The following TMCC1 variants were observed in gnomAD, a reference collection of about 807,000 sequenced individuals.
The protein encoded by TMCC1 is transmembrane and coiled-coil domains protein 1.
TMCC1 carries 15 observed loss-of-function variants against 52.4 expected under a neutral mutation model. The ratio of observed to expected loss-of-function variants is 0.29; its 90% CI spans 0.19 to 0.44. The LOEUF is 0.44. Among genes scored for constraint, TMCC1 ranks in the 20% least tolerant of loss-of-function variants. TMCC1 has a pLI of 1.00. For synonymous variants in TMCC1, 279 were observed against 301.9 expected (o/e 0.92, Z 0.79); for missense variants, 503 against 806.0 (o/e 0.62, Z 4.55).
intron 4 of TMCC1, among the ~76,000 whole-genome samples, chr3:129,793,761 C>A (rs1487768019): frequency 2.0e-5 from 3 of 152,184 alleles, no homozygotes; most frequent in African/African-American, 4.8e-5. Flanking sequence ...ATGGAACCTG[C>A]TTTTCATCAG....
intron 4 of TMCC1, among the ~76,000 whole-genome samples, chr3:129,821,665 GGTTA>G (rs2058430459): frequency 6.6e-6 from 1 of 152,052 alleles, no homozygotes; most frequent in African/African-American, 2.4e-5. Flanking sequence ...CATTTTATGT[GGTTA>G]GTAAGAAACT....
At chr3:129,846,791 T>A (rs1577070440) in intron 2 of TMCC1, among the ~76,000 whole-genome samples, 1 of 143,544 alleles carries the variant, frequency 7.0e-6, no homozygotes, top group African/African-American at 2.6e-5. Flanking sequence ...CACTTTGGGA[T>A]GCTGAGGCAG....
chr3:129,800,829 C>T (rs2057140841), intron 4 of TMCC1, among the ~76,000 whole-genome samples: 1 of 151,860 alleles, frequency 6.6e-6, no homozygotes, highest in Non-Finnish European at 1.5e-5. Flanking sequence ...TTATTTTTCA[C>T]TATGTTGCAA....
intron 4 of TMCC1, among the ~76,000 whole-genome samples, chr3:129,799,544 C>G (rs535755555): frequency 1.3e-5 from 2 of 152,286 alleles, no homozygotes; most frequent in East Asian, 3.9e-4. Flanking sequence ...GGCACGGTGG[C>G]TCACGCTTGT....
intron 2 of TMCC1, chr3:129,847,780 C>T (rs1437446437): frequency 6.6e-6 from 1 of 152,222 alleles, no homozygotes; most frequent in African/African-American, 2.4e-5. Flanking sequence ...ATCCATTTCA[C>T]ATTCCTATCG....
chr3:129,734,905 T>A (rs995996361), intron 4 of TMCC1, among the ~76,000 whole-genome samples: 87 of 127,236 alleles, frequency 6.8e-4, no homozygotes, highest in African/African-American at 1.7e-3. Flanking sequence ...CTGTTCGAAA[T>A]TTTTTTTTTT....
chr3:129,715,908 G>A (rs2107580244), intron 4 of TMCC1, among the ~76,000 whole-genome samples: 1 of 152,174 alleles, frequency 6.6e-6, no homozygotes, highest in East Asian at 1.9e-4. Context: ...GAGACAGAAT[G>A]AGTTATTTTT....
At chr3:129,827,019 C>T (rs935265053) in intron 4 of TMCC1, among the ~76,000 whole-genome samples, 3 of 152,166 alleles carry the variant, frequency 2.0e-5, no homozygotes, top group Admixed American at 2.0e-4. Flanking sequence ...ACTGTGCCCA[C>T]AGTACTAAAT....
intron 3 of TMCC1, among the ~76,000 whole-genome samples, chr3:129,829,423 G>GC (rs2058803066): frequency 1.2e-5 from 1 of 85,460 alleles, no homozygotes; most frequent in Non-Finnish European, 2.1e-5. Context: ...TAAAATCAAC[G>GC]CAACTGCCAT....
chr3:129,757,193 C>T (rs2053088666), intron 4 of TMCC1, among the ~76,000 whole-genome samples: 1 of 152,118 alleles, frequency 6.6e-6, no homozygotes, highest in African/African-American at 2.4e-5. Flanking sequence ...AGCCAATCTA[C>T]AATCTACAAC....
intron 5 of TMCC1, among the ~76,000 whole-genome samples, chr3:129,664,440 G>A (rs2087289266): frequency 6.6e-6 from 1 of 152,280 alleles, no homozygotes; most frequent in East Asian, 1.9e-4. Flanking sequence ...CTGTTCTACT[G>A]CATGTGACAA....
intron 4 of TMCC1, among the ~76,000 whole-genome samples, chr3:129,708,920 C>T (rs1266026027): frequency 2.6e-5 from 4 of 152,084 alleles, no homozygotes; most frequent in African/African-American, 7.2e-5. Flanking sequence ...GGTTTAATCT[C>T]GGATAATTTA....
Position 129,828,492 on chromosome 3 carries a change from G to A in TMCC1, c.-114C>T, listed in dbSNP as rs1403345693. The A allele has an allele frequency of 2.0e-6, 2 of 985,602 alleles. No homozygotes were observed. The highest frequency in any genetic ancestry group is 2.4e-5 in the Admixed American group (1 of 41,758). The allele number at this position is 985,602 out of a possible 1,614,324, so 61.1% of individuals were successfully genotyped here. On this transcript the variant is annotated 5_prime_UTR_variant, in exon 4 of 7. Transcript: ENST00000393238. The surrounding 1 kb of genome is among the most constrained non-coding windows in gnomAD (Gnocchi z 4.1). ...GTGACTACGCATGCAGCTGTGAGAC[G>A]AAGGCTTCATGCCTATCTAATGTTA...
rs2087571587 is a variant in TMCC1 at position 129,667,595 on chromosome 3, C to T, written c.1511+2735G>A. 2.6e-5 allele frequency among the ~76,000 whole-genome samples: 4 copies of T among 152,218 alleles called. No individual in the cohort carries two copies. The South Asian group carries it at 8.3e-4, about 32-fold the overall frequency. On this transcript the variant is annotated intron_variant, in intron 5 of 6. Transcript: ENST00000393238. Reference sequence around the variant, plus strand: ...AAGTTTTCTTCGTTCTGTCTTCATTCCATAAAACTAGTCATTTACCTACTA... The same window carrying T: ...AAGTTTTCTTCGTTCTGTCTTCATTTCATAAAACTAGTCATTTACCTACTA...
At chr3:129,724,700 A>G (rs1181238135) in intron 4 of TMCC1, among the ~76,000 whole-genome samples, 1 of 152,238 alleles carries the variant, frequency 6.6e-6, no homozygotes, top group East Asian at 1.9e-4. Context: ...GAGCCAGAAC[A>G]TGAATTTTCT....
At chr3:129,891,756 T>C (rs1188565322) in intron 1 of TMCC1, among the ~76,000 whole-genome samples, 3 of 152,220 alleles carry the variant, frequency 2.0e-5, no homozygotes, top group African/African-American at 4.8e-5. Context: ...AAGGGCTCAA[T>C]AAACATTTGA....
chr3:129,679,145 C>T (rs2088739004), intron 4 of TMCC1, among the ~76,000 whole-genome samples: 1 of 152,190 alleles, frequency 6.6e-6, no homozygotes. Context: ...GTTCCTGGAA[C>T]ATGAGAGACA....
chr3:129,797,037 A>T (rs2056874710), intron 4 of TMCC1, among the ~76,000 whole-genome samples: 1 of 152,074 alleles, frequency 6.6e-6, no homozygotes, highest in South Asian at 2.1e-4. Context: ...AAAAAATAAC[A>T]CACATAGGCC....
chr3:129,787,571 A>T (rs1451820088), intron 4 of TMCC1, among the ~76,000 whole-genome samples: 2 of 152,196 alleles, frequency 1.3e-5, no homozygotes, highest in Non-Finnish European at 2.9e-5. Flanking sequence ...TTCTTTTCAT[A>T]GTCTAATGTA....
Sources: allele counts gnomAD v4.1 joint callset (sites outside exome capture counted in the v4.1 genomes callset), GRCh38; gene constraint gnomAD v4.1.1; non-coding constraint Gnocchi (gnomAD v3.1); transcripts MANE v1.5; gene names NCBI Gene and HGNC (gene_info 2026-07-23, HGNC 2026-07-21).